CDYL2: variants seen among roughly 807,000 people sequenced by gnomAD.
The protein encoded by CDYL2 is chromodomain Y like 2, also known as chromodomain Y-like protein 2.
A neutral mutation model predicts 49.4 loss-of-function variants in CDYL2; 23 were observed. The observed-to-expected ratio is 0.47, with a 90% CI of 0.34 to 0.66. The LOEUF is 0.66. Among genes scored for constraint, CDYL2 ranks in the 30% least tolerant of loss-of-function variants. The pLI, the probability that CDYL2 is intolerant of heterozygous loss-of-function variation, is 0.01. For synonymous variants in CDYL2, 360 were observed against 268.8 expected (o/e 1.34, Z -3.32); for missense variants, 678 against 656.4 (o/e 1.03, Z -0.36).
rs541989148 is a variant in CDYL2 at position 80,600,562 on chromosome 16, T to C, written c.*3826A>G. ...AGAATAAAATAAAATACTTAAGAAA[T>C]CTCATTTAGAGTCTTAAATACTGTG... On this transcript the variant is annotated 3_prime_UTR_variant, in exon 7 of 7. Coordinates refer to ENST00000570137, the MANE Select transcript of CDYL2 (RefSeq NM_152342.4). The C allele has an allele frequency of 1.1e-3, 162 of 152,246 alleles. 1 individual carries two copies. Among genetic ancestry groups the C allele is most frequent in the African/African-American group, 3.7e-3 (153 of 41,554 alleles). The allele number at this position is 152,246 out of a possible 1,614,324, so 9.4% of individuals were successfully genotyped here.
chr16:80,611,824 T>C lies in CDYL2; in HGVS notation c.1218+802A>G, dbSNP rs1197910410. 2.6e-5 allele frequency among the ~76,000 whole-genome samples: 4 copies of C among 152,334 alleles called. No individual in the cohort carries two copies. In the East Asian group the frequency reaches 7.7e-4, roughly 29 times the overall value. ...CTTCCTACGTGCCAGCTGTCATCAG[T>C]GCTCTCCCCTGTCCAGACTTGCTTC... On this transcript the variant is annotated intron_variant, in intron 5 of 6. Coordinates refer to ENST00000570137, the MANE Select transcript of CDYL2 (RefSeq NM_152342.4).
At chr16:80,698,514 T>C (rs1220698416) in intron 1 of CDYL2, among the ~76,000 whole-genome samples, 1 of 152,162 alleles carries the variant, frequency 6.6e-6, no homozygotes, top group Non-Finnish European at 1.5e-5. Flanking sequence ...GGTTTGGATC[T>C]GTGTCCTTGC....
chr16:80,598,793 G>T lies in CDYL2; in HGVS notation c.*5595C>A, dbSNP rs1156958818. 1 of 152,132 alleles carries T rather than the reference G, an allele frequency of 6.6e-6. No homozygotes were observed. Among genetic ancestry groups the T allele is most frequent in the African/African-American group, 2.4e-5 (1 of 41,432 alleles). 9.4% of individuals were successfully genotyped at this position (152,132 alleles called of 1,614,324 possible). A position where few individuals can be genotyped will look rare whatever the true frequency, so the allele number is the denominator to read the frequency against. On this transcript the variant is annotated 3_prime_UTR_variant, in exon 7 of 7. Coordinates refer to ENST00000570137, the MANE Select transcript of CDYL2 (RefSeq NM_152342.4). ...ATCCCTCTGTATGGCCAGCCAGGGGGAGCATGAGGTTGGTGGAAGTCAGCA... is the reference window on the plus strand; with the variant it reads ...ATCCCTCTGTATGGCCAGCCAGGGGTAGCATGAGGTTGGTGGAAGTCAGCA...
rs532333677 is a variant in CDYL2, at chr16:80,604,580, C to T, written c.1363-34G>A. On this transcript the variant is annotated intron_variant, in intron 6 of 6. Coordinates refer to ENST00000570137, the MANE Select transcript of CDYL2 (RefSeq NM_152342.4). ...AAATAGACAGGCCTGATTAGCCGGGCACCAGGGACTCTGCTCCAGAACTAG... is the reference window on the plus strand; with the variant it reads ...AAATAGACAGGCCTGATTAGCCGGGTACCAGGGACTCTGCTCCAGAACTAG... 15 of 1,612,044 alleles carry T rather than the reference C, an allele frequency of 9.3e-6. No individual in the cohort carries two copies. The East Asian group carries it at 1.3e-4, about 14-fold the overall frequency.
At position 80,598,200 on chromosome 16, in the gene CDYL2, CTAGT is replaced by C. The variant is rs1905921505; in HGVS notation, c.*6184_*6187del. The stretch of plus-strand genomic sequence containing the variant: ...TACTCAGACTTACAAATATTCAGAA[CTAGT>C]TAAAGACTCTCCCATGATAATCTGG... On this transcript the variant is annotated 3_prime_UTR_variant, in exon 7 of 7. Coordinates refer to ENST00000570137, the MANE Select transcript of CDYL2 (RefSeq NM_152342.4). 2 of 151,666 alleles carry C rather than the reference CTAGT, an allele frequency of 1.3e-5. No homozygotes were observed. Among genetic ancestry groups the C allele is most frequent in the Non-Finnish European group, 2.9e-5 (2 of 67,996 alleles). 9.4% of individuals were successfully genotyped at this position (151,666 alleles called of 1,614,324 possible). A position where few individuals can be genotyped will look rare whatever the true frequency, so the allele number is the denominator to read the frequency against.
intron 1 of CDYL2, among the ~76,000 whole-genome samples, chr16:80,729,459 G>A (rs201903463): frequency 6.6e-6 from 1 of 152,036 alleles, no homozygotes; most frequent in South Asian, 2.1e-4. Context: ...AGCAAGTCCT[G>A]AGTGACCTAC....
intron 1 of CDYL2, among the ~76,000 whole-genome samples, chr16:80,753,474 G>A (rs943629442): frequency 3.3e-5 from 5 of 152,098 alleles, no homozygotes; most frequent in Admixed American, 6.5e-5. Context: ...CAGGCGTGGT[G>A]GCGCATGCCT....
At chr16:80,646,250 T>C (rs909151141) in intron 2 of CDYL2, among the ~76,000 whole-genome samples, 1 of 151,814 alleles carries the variant, frequency 6.6e-6, no homozygotes, top group Non-Finnish European at 1.5e-5. Context: ...AGCCAAACTA[T>C]ATCACTCAAG....
At chr16:80,762,397 G>C (rs1387463862) in intron 1 of CDYL2, among the ~76,000 whole-genome samples, 1 of 152,184 alleles carries the variant, frequency 6.6e-6, no homozygotes, top group African/African-American at 2.4e-5. Flanking sequence ...AACGTGGAAA[G>C]AGCAGAATAT....
chr16:80,803,644 C>G (rs1400769974), intron 1 of CDYL2, among the ~76,000 whole-genome samples: 2 of 138,656 alleles, frequency 1.4e-5, no homozygotes, highest in African/African-American at 5.4e-5. Flanking sequence ...CCCGGCCAGG[C>G]TCCGCTCCGA....
intron 2 of CDYL2, among the ~76,000 whole-genome samples, chr16:80,683,904 C>T (rs1224416254): frequency 1.3e-5 from 2 of 152,208 alleles, no homozygotes; most frequent in Non-Finnish European, 1.5e-5. Flanking sequence ...ATTAGATTTC[C>T]ATTTTTCATA....
intron 1 of CDYL2, among the ~76,000 whole-genome samples, chr16:80,696,616 A>G (rs2142494645): frequency 6.6e-6 from 1 of 152,242 alleles, no homozygotes; most frequent in South Asian, 2.1e-4. Flanking sequence ...CAAAATGAAT[A>G]CATTCCTGGA....
At chr16:80,705,960 C>A (rs1325775194) in intron 1 of CDYL2, among the ~76,000 whole-genome samples, 1 of 152,174 alleles carries the variant, frequency 6.6e-6, no homozygotes, top group Admixed American at 6.5e-5. Flanking sequence ...GGGAGAAAAG[C>A]ATATATTGAG....
intron 2 of CDYL2, among the ~76,000 whole-genome samples, chr16:80,655,625 A>G: frequency 6.6e-6 from 1 of 152,202 alleles, no homozygotes; most frequent in African/African-American, 2.4e-5. Flanking sequence ...TGAAACTAGC[A>G]GAGGCAAAGA....
At chr16:80,763,142 G>A (rs1906589083) in intron 1 of CDYL2, among the ~76,000 whole-genome samples, 1 of 150,502 alleles carries the variant, frequency 6.6e-6, no homozygotes. Context: ...CACTCCAGCA[G>A]GAACCTAACT....
intron 1 of CDYL2, among the ~76,000 whole-genome samples, chr16:80,731,481 A>G (rs568086975): frequency 6.6e-6 from 1 of 152,180 alleles, no homozygotes; most frequent in South Asian, 2.1e-4. Context: ...GTGTTTCCAG[A>G]TTCAAAGAGC....
intron 1 of CDYL2, among the ~76,000 whole-genome samples, chr16:80,709,113 G>A (rs1267131509): frequency 6.6e-6 from 1 of 152,180 alleles, no homozygotes; most frequent in Non-Finnish European, 1.5e-5. Flanking sequence ...GCCAGGCCTG[G>A]TGGCTCACGC....
rs947797462 is a variant in CDYL2 at position 80,649,471 on chromosome 16, G to A, written c.617-16235C>T. On this transcript the variant is annotated intron_variant, in intron 2 of 6. Coordinates refer to ENST00000570137, the MANE Select transcript of CDYL2 (RefSeq NM_152342.4). The stretch of plus-strand genomic sequence containing the variant: ...ACAATAAAAACTATAAAACACTGAC[G>A]AAAGAAATTGAAGAGGACGCCAAAA... Among the ~76,000 whole-genome samples, 28 of 152,122 alleles carry A rather than the reference G, an allele frequency of 1.8e-4. No individual in the cohort carries two copies. In the East Asian group the frequency reaches 2.5e-3, roughly 14 times the overall value.
At chr16:80,724,400 G>T (rs1014432795) in intron 1 of CDYL2, among the ~76,000 whole-genome samples, 1 of 152,086 alleles carries the variant, frequency 6.6e-6, no homozygotes, top group Non-Finnish European at 1.5e-5. Flanking sequence ...CTATCAGGTG[G>T]CTCTTTTTTC....
Sources: allele counts gnomAD v4.1 joint callset (sites outside exome capture counted in the v4.1 genomes callset), GRCh38; gene constraint gnomAD v4.1.1; transcripts MANE v1.5; gene names NCBI Gene and HGNC (gene_info 2026-07-23, HGNC 2026-07-21).